Variants in XRCC4 observed in about 807,000 individuals in gnomAD.
The protein encoded by XRCC4 is X-ray repair cross complementing 4, also known as DNA repair protein XRCC4.
Under a neutral mutation model 39.1 loss-of-function variants are expected in XRCC4, and 28 were observed. The observed-to-expected ratio is 0.72, with a 90% CI of 0.53 to 0.98. XRCC4 has a LOEUF of 0.98. Among genes scored for constraint, XRCC4 ranks in the 50% least tolerant of loss-of-function variants. The probability of loss-of-function intolerance (pLI) is 0.00; values close to 1 mark genes in which losing one functional copy is unlikely to be tolerated. For missense variants in XRCC4, 350 were observed against 376.4 expected (o/e 0.93, Z 0.58); for synonymous variants, 123 against 126.4 (o/e 0.97, Z 0.18).
At chr5:83,177,973 C>A (rs1750034890) in intron 3 of XRCC4, among the ~76,000 whole-genome samples, 1 of 151,984 alleles carries the variant, frequency 6.6e-6, no homozygotes, top group South Asian at 2.1e-4. Flanking sequence ...AAATGGCATG[C>A]TTTGGGGATT....
At chr5:83,128,626 C>T (rs1185385284) in intron 3 of XRCC4, among the ~76,000 whole-genome samples, 1 of 152,184 alleles carries the variant, frequency 6.6e-6, no homozygotes, top group African/African-American at 2.4e-5. Context: ...CAGATCTTCT[C>T]CAGCACCTGT....
intron 6 of XRCC4, among the ~76,000 whole-genome samples, chr5:83,241,955 A>AGAGGAGGAG (rs144761951): frequency 2.8e-4 from 41 of 148,598 alleles, no homozygotes; most frequent in African/African-American, 7.5e-5. Flanking sequence ...AGGAGGAGGA[A>AGAGGAGGAG]GAGGAGGAGG....
chr5:83,229,007 G>A (rs563390697), intron 6 of XRCC4, among the ~76,000 whole-genome samples: 10 of 152,096 alleles, frequency 6.6e-5, no homozygotes, highest in African/African-American at 1.4e-4. Context: ...CTGTGGTGCA[G>A]AGAAACAGGA....
chr5:83,313,653 C>G (rs576768231), intron 7 of XRCC4, among the ~76,000 whole-genome samples: 1 of 152,140 alleles, frequency 6.6e-6, no homozygotes, highest in East Asian at 1.9e-4. Flanking sequence ...ATTTGTCTAA[C>G]ACATCAGCTG....
intron 3 of XRCC4, among the ~76,000 whole-genome samples, chr5:83,112,288 C>T (rs987556752): frequency 1.2e-4 from 18 of 151,998 alleles, no homozygotes; most frequent in African/African-American, 4.4e-4. Flanking sequence ...TTCCTGTGGC[C>T]CAAGCTCAAT....
chr5:83,204,708 A>G (rs1210874534), intron 5 of XRCC4, 107 bp from the exon 6 acceptor site: 2 of 701,276 alleles, frequency 2.9e-6, no homozygotes, highest in Non-Finnish European at 4.6e-6. Context: ...TGTTTGTCTA[A>G]TTAGAATCTT....
At chr5:83,120,192 C>T (rs1746941862) in intron 3 of XRCC4, among the ~76,000 whole-genome samples, 1 of 152,182 alleles carries the variant, frequency 6.6e-6, no homozygotes, top group Non-Finnish European at 1.5e-5. Context: ...GGTATTGTCA[C>T]TGTTTATACA....
chr5:83,347,308 T>C (rs1332869143), intron 7 of XRCC4, among the ~76,000 whole-genome samples: 2 of 152,186 alleles, frequency 1.3e-5, no homozygotes, highest in Admixed American at 6.5e-5. Flanking sequence ...TTTTTCACAC[T>C]GCTATAAAGA....
At chr5:83,079,922 A>T (rs563626812) in intron 1 of XRCC4, among the ~76,000 whole-genome samples, 1 of 152,304 alleles carries the variant, frequency 6.6e-6, no homozygotes, top group Admixed American at 6.5e-5. Context: ...GTATGTAAAA[A>T]TAGTGGATAT....
chr5:83,352,586 T>C (rs1483717825), intron 7 of XRCC4, among the ~76,000 whole-genome samples: 2 of 152,202 alleles, frequency 1.3e-5, no homozygotes, highest in East Asian at 3.8e-4. Context: ...TAAATGAAGA[T>C]ATGCAGATTC....
Position 83,103,009 on chromosome 5 carries a change from GAT to G in XRCC4, c.-10-1880_-10-1879del, listed in dbSNP as rs56183616. On this transcript the variant is annotated intron_variant, in intron 1 of 7. Transcript: ENST00000396027. ...ATAGGGTTCCAGTAAAGATAGAGCT[GAT>G]ATATATATATATATATATATGTCAA... is the stretch of plus-strand genomic sequence containing the variant. Among the ~76,000 whole-genome samples the G allele has an allele frequency of 7.4e-4, 79 of 106,442 alleles. 1 individual carries two copies. The highest frequency in any genetic ancestry group is 1.2e-3 in the Admixed American group (13 of 10,652). 69.8% of individuals were successfully genotyped at this position (106,442 alleles called of 152,430 possible). A position where few individuals can be genotyped will look rare whatever the true frequency, so the allele number is the denominator to read the frequency against.
At chr5:83,347,946 T>G (rs919001906) in intron 7 of XRCC4, among the ~76,000 whole-genome samples, 14 of 152,204 alleles carry the variant, frequency 9.2e-5, no homozygotes, top group Middle Eastern at 3.2e-3. Context: ...ACAGGCCCCA[T>G]GCAAGTCCGA....
chr5:83,085,107 C>T (rs1352837395), intron 1 of XRCC4, among the ~76,000 whole-genome samples: 2 of 152,156 alleles, frequency 1.3e-5, no homozygotes, highest in Non-Finnish European at 2.9e-5. Flanking sequence ...AGAGTTCAAT[C>T]TGGTCTTGTG....
chr5:83,094,712 T>G (rs940652559), intron 1 of XRCC4, among the ~76,000 whole-genome samples: 17 of 151,768 alleles, frequency 1.1e-4, no homozygotes, highest in African/African-American at 4.1e-4. Flanking sequence ...GAGGTTTCAC[T>G]CTGTCTCCCA....
At chr5:83,309,713 C>T (rs377738018) in intron 7 of XRCC4, among the ~76,000 whole-genome samples, 18 of 141,624 alleles carry the variant, frequency 1.3e-4, no homozygotes, top group East Asian at 6.8e-4. Context: ...GCAGTGATCG[C>T]GCCACTGCAC....
chr5:83,239,330 A>G (rs1209990926), intron 6 of XRCC4, among the ~76,000 whole-genome samples: 1 of 152,200 alleles, frequency 6.6e-6, no homozygotes, highest in Non-Finnish European at 1.5e-5. Context: ...TGTTAAATGT[A>G]TAAGTGATTA....
intron 1 of XRCC4, among the ~76,000 whole-genome samples, chr5:83,104,026 G>A (rs1186144171): frequency 6.6e-6 from 1 of 152,126 alleles, no homozygotes; most frequent in African/African-American, 2.4e-5. Flanking sequence ...TACTTTTGAT[G>A]TATGTACTTT....
chr5:83,181,646 T>C lies in XRCC4; in HGVS notation c.316-14124T>C, dbSNP rs181264047. On this transcript the variant is annotated intron_variant, in intron 3 of 7. Coordinates refer to ENST00000396027, the MANE Select transcript of XRCC4 (RefSeq NM_003401.5). ...TAGGTACTTCAACAAAGATTTAATATAGGGAATTACCAGGAGAACTGAAAC... is the reference window on the plus strand; with the variant it reads ...TAGGTACTTCAACAAAGATTTAATACAGGGAATTACCAGGAGAACTGAAAC... 8.6e-4 allele frequency among the ~76,000 whole-genome samples: 131 copies of C among 152,224 alleles called. No individual in the cohort carries two copies. In the Middle Eastern group the frequency reaches 0.01, roughly 12 times the overall value.
intron 6 of XRCC4, among the ~76,000 whole-genome samples, chr5:83,249,664 C>CAG (rs1036310388): frequency 4.6e-5 from 7 of 151,954 alleles, no homozygotes; most frequent in African/African-American, 1.4e-4. Context: ...TGTTAGTGAT[C>CAG]AGAGAGAGAG....
Sources: gnomAD v4.1 joint callset for allele counts (sites outside exome capture counted in the v4.1 genomes callset) on GRCh38, gnomAD v4.1.1 for gene constraint, MANE v1.5 for transcripts, NCBI Gene and HGNC (gene_info 2026-07-23, HGNC 2026-07-21) for gene names.